The following RABGAP1L variants were observed in gnomAD, a reference collection of about 807,000 sequenced individuals.
The protein encoded by RABGAP1L is rab GTPase-activating protein 1-like.
In RABGAP1L, 63 loss-of-function variants were observed where a neutral mutation model predicts 137.7. The ratio of observed to expected loss-of-function variants is 0.46; its 90% CI spans 0.37 to 0.56. The LOEUF (loss-of-function observed/expected upper bound fraction) is 0.56. Ranked by LOEUF, RABGAP1L falls within the 20% of genes least tolerant of loss-of-function variation. RABGAP1L has a pLI of 0.00. For synonymous variants in RABGAP1L, 431 were observed against 433.7 expected (o/e 0.99, Z 0.08); for missense variants, 1,095 against 1,244.0 (o/e 0.88, Z 1.80).
rs192157342 is a variant in RABGAP1L at position 174,424,885 on chromosome 1, A to T, written c.1710+30740A>T. Among the ~76,000 whole-genome samples the T allele has an allele frequency of 2.9e-3, 434 of 152,112 alleles. 1 individual carries two copies. The highest frequency in any genetic ancestry group is 9.6e-3 in the African/African-American group (401 of 41,558). On this transcript the variant is annotated intron_variant, in intron 13 of 25. Transcript: ENST00000681986. The stretch of plus-strand genomic sequence containing the variant: ...AATTGTAAGATACAATTGGATCCAA[A>T]TTTTTTGTGGAATTAAAATAAGCCA...
chr1:174,973,812 A>G (rs756021699), intron 21 of RABGAP1L, among the ~76,000 whole-genome samples: 1 of 152,122 alleles, frequency 6.6e-6, no homozygotes, highest in Non-Finnish European at 1.5e-5. Context: ...TCTGTTCACA[A>G]AGTGGAAATT....
At chr1:174,560,574 T>C (rs1395874959) in intron 13 of RABGAP1L, among the ~76,000 whole-genome samples, 1 of 152,192 alleles carries the variant, frequency 6.6e-6, no homozygotes, top group African/African-American at 2.4e-5. Context: ...TTTTCAGCTT[T>C]TATTTTAGCT....
intron 1 of RABGAP1L, among the ~76,000 whole-genome samples, chr1:174,210,047 G>C (rs1668771022): frequency 1.3e-5 from 2 of 152,172 alleles, no homozygotes; most frequent in South Asian, 4.1e-4. Context: ...TACTGGGTTT[G>C]GATGGAGTGC....
chr1:174,965,247 G>A (rs1669515858), intron 20 of RABGAP1L, among the ~76,000 whole-genome samples: 1 of 152,186 alleles, frequency 6.6e-6, no homozygotes, highest in African/African-American at 2.4e-5. Context: ...AATCTTTTCT[G>A]AAAGGCAAGA....
intron 11 of RABGAP1L, among the ~76,000 whole-genome samples, chr1:174,363,435 T>C (rs1051530471): frequency 9.2e-5 from 14 of 152,242 alleles, no homozygotes; most frequent in Non-Finnish European, 1.6e-4. Context: ...GTTTTTCATT[T>C]GTTTTTTCAT....
At chr1:174,354,854 G>C (rs895272516) in intron 11 of RABGAP1L, among the ~76,000 whole-genome samples, 3 of 152,172 alleles carry the variant, frequency 2.0e-5, no homozygotes, top group Non-Finnish European at 4.4e-5. Context: ...GTAAGGAAGG[G>C]ATCCAGTTTC....
At chr1:174,194,922 C>T (rs1667461468) in intron 1 of RABGAP1L, among the ~76,000 whole-genome samples, 1 of 152,064 alleles carries the variant, frequency 6.6e-6, no homozygotes, top group Non-Finnish European at 1.5e-5. Context: ...GTGATTTCAC[C>T]CTAATATGGT....
At chr1:174,710,087 A>G (rs1266199012) in intron 17 of RABGAP1L, among the ~76,000 whole-genome samples, 1 of 152,228 alleles carries the variant, frequency 6.6e-6, no homozygotes. Context: ...CAACTTAATG[A>G]AATAAAACAG....
At chr1:174,643,611 T>A (rs1461082084) in intron 14 of RABGAP1L, among the ~76,000 whole-genome samples, 1 of 152,108 alleles carries the variant, frequency 6.6e-6, no homozygotes, top group Non-Finnish European at 1.5e-5. Flanking sequence ...ATAGTAAAAA[T>A]TTGTAAAGCC....
intron 11 of RABGAP1L, among the ~76,000 whole-genome samples, chr1:174,366,434 T>G (rs898970396): frequency 2.6e-5 from 4 of 152,058 alleles, no homozygotes; most frequent in African/African-American, 9.7e-5. Context: ...ACACCAACAT[T>G]TTAAACTGAG....
intron 13 of RABGAP1L, among the ~76,000 whole-genome samples, chr1:174,613,168 T>G (rs1671437866): frequency 6.6e-6 from 1 of 150,990 alleles, no homozygotes; most frequent in Non-Finnish European, 1.5e-5. Flanking sequence ...ATTTTGGATC[T>G]TTCCTGCTTT....
At chr1:174,609,894 T>A (rs1671065375) in intron 13 of RABGAP1L, among the ~76,000 whole-genome samples, 1 of 152,186 alleles carries the variant, frequency 6.6e-6, no homozygotes, top group South Asian at 2.1e-4. Flanking sequence ...TAAATTATTT[T>A]GGATGAATCA....
intron 18 of RABGAP1L, among the ~76,000 whole-genome samples, chr1:174,801,469 T>G (rs534079221): frequency 5.8e-4 from 89 of 152,366 alleles, no homozygotes; most frequent in Non-Finnish European, 9.4e-4. Context: ...TTTATGTATG[T>G]ATTTACATGC....
intron 15 of RABGAP1L, among the ~76,000 whole-genome samples, chr1:174,693,948 A>G (rs372288691): frequency 9.8e-5 from 15 of 152,354 alleles, no homozygotes; most frequent in African/African-American, 3.4e-4. Flanking sequence ...TCTGCCCTTC[A>G]TGTCTGCAGG....
chr1:174,307,466 C>T (rs547224168), intron 11 of RABGAP1L, among the ~76,000 whole-genome samples: 1 of 152,166 alleles, frequency 6.6e-6, no homozygotes, highest in South Asian at 2.1e-4. Flanking sequence ...CTGTTCTCCC[C>T]TTTCCCTTCC....
At chr1:174,407,571 G>A (rs1369653622) in intron 13 of RABGAP1L, among the ~76,000 whole-genome samples, 2 of 152,112 alleles carry the variant, frequency 1.3e-5, no homozygotes, top group Non-Finnish European at 2.9e-5. Context: ...GATTTTGCAT[G>A]TGCTGATGTA....
chr1:174,514,435 A>G (rs1662632273), intron 13 of RABGAP1L, among the ~76,000 whole-genome samples: 1 of 152,160 alleles, frequency 6.6e-6, no homozygotes, highest in Non-Finnish European at 1.5e-5. Context: ...AGAGTTATGT[A>G]TCAGTTAAAG....
intron 14 of RABGAP1L, among the ~76,000 whole-genome samples, chr1:174,649,094 C>G (rs1675236663): frequency 6.6e-6 from 1 of 152,010 alleles, no homozygotes; most frequent in Non-Finnish European, 1.5e-5. Flanking sequence ...CTGTCTGTGT[C>G]TTTGCACATG....
chr1:174,652,175 C>G (rs1350510578), intron 14 of RABGAP1L, among the ~76,000 whole-genome samples: 5 of 152,316 alleles, frequency 3.3e-5, no homozygotes, highest in African/African-American at 7.2e-5. Flanking sequence ...CCACTCTCTT[C>G]TAGCTTGTAG....
Sources: gnomAD v4.1 joint callset for allele counts (sites outside exome capture counted in the v4.1 genomes callset) on GRCh38, gnomAD v4.1.1 for gene constraint, MANE v1.5 for transcripts, NCBI Gene and HGNC (gene_info 2026-07-23, HGNC 2026-07-21) for gene names.